FAM171A1: variants seen among roughly 807,000 people sequenced by gnomAD.
FAM171A1 encodes protein FAM171A1.
A neutral mutation model predicts 74.9 loss-of-function variants in FAM171A1; 23 were observed. That is an observed-to-expected ratio of 0.31 (90% confidence interval 0.22 to 0.44). The LOEUF (loss-of-function observed/expected upper bound fraction) is 0.44, where lower values mean the gene tolerates loss of function less well. Ranked by LOEUF, FAM171A1 falls within the 20% of genes least tolerant of loss-of-function variation. FAM171A1 has a pLI of 1.00. For synonymous variants in FAM171A1, 527 were observed against 505.7 expected (o/e 1.04, Z -0.57); for missense variants, 1,162 against 1,159.2 (o/e 1.00, Z -0.03).
At chr10:15,362,711 G>A (rs772518749) in intron 1 of FAM171A1, among the ~76,000 whole-genome samples, 17 of 152,166 alleles carry the variant, frequency 1.1e-4, no homozygotes, top group Admixed American at 8.5e-4. Flanking sequence ...GCGACAGAGC[G>A]AGACTCTGTC....
chr10:15,281,323 C>T (rs1251057428), intron 2 of FAM171A1, among the ~76,000 whole-genome samples: 1 of 152,156 alleles, frequency 6.6e-6, no homozygotes, highest in East Asian at 1.9e-4. Flanking sequence ...TGGACTAATA[C>T]AGAGTATCTT....
At chr10:15,342,625 T>C (rs1835777625) in intron 1 of FAM171A1, among the ~76,000 whole-genome samples, 1 of 152,156 alleles carries the variant, frequency 6.6e-6, no homozygotes, top group South Asian at 2.1e-4. Flanking sequence ...CAGGCTTCTG[T>C]CAGCCGGTGC....
At chr10:15,310,861 T>C (rs1395774753) in intron 1 of FAM171A1, among the ~76,000 whole-genome samples, 2 of 151,156 alleles carry the variant, frequency 1.3e-5, no homozygotes, top group Non-Finnish European at 2.9e-5. Context: ...GGTTTAAGCC[T>C]GAAGCCTCCA....
intron 1 of FAM171A1, among the ~76,000 whole-genome samples, chr10:15,349,961 G>A (rs1835859039): frequency 6.6e-6 from 1 of 152,078 alleles, no homozygotes; most frequent in Non-Finnish European, 1.5e-5. Flanking sequence ...GCGCTTTGAT[G>A]TTGGAATATC....
At chr10:15,347,723 C>T (rs1227071198) in intron 1 of FAM171A1, among the ~76,000 whole-genome samples, 1 of 150,430 alleles carries the variant, frequency 6.6e-6, no homozygotes, top group Non-Finnish European at 1.5e-5. Context: ...GTAGTCTCAG[C>T]TACTTGGAGG....
In FAM171A1 at chr10:15,237,333, T is replaced by C. The variant is rs78198575; in HGVS notation, c.754+11306A>G. 4.8e-3 allele frequency among the ~76,000 whole-genome samples: 725 copies of C among 152,254 alleles called. 5 individuals are homozygous for C. The highest frequency in any genetic ancestry group is 0.016 in the African/African-American group (664 of 41,554). On this transcript the variant is annotated intron_variant, in intron 5 of 7. Coordinates refer to ENST00000378116, the MANE Select transcript of FAM171A1 (RefSeq NM_001010924.2). ...CAAAAGTGCCCCCTGAACCCGATCATACTAGAACAAATGTGATGCTATTAT... is the reference window on the plus strand; with the variant it reads ...CAAAAGTGCCCCCTGAACCCGATCACACTAGAACAAATGTGATGCTATTAT...
chr10:15,245,403 A>G (rs1834419783), intron 5 of FAM171A1, among the ~76,000 whole-genome samples: 1 of 152,186 alleles, frequency 6.6e-6, no homozygotes, highest in Non-Finnish European at 1.5e-5. Context: ...ATCACTCTCC[A>G]CAGTGAGGGA....
chr10:15,215,355 G>A (rs1014852200), intron 7 of FAM171A1, among the ~76,000 whole-genome samples: 1 of 151,952 alleles, frequency 6.6e-6, no homozygotes, highest in Non-Finnish European at 1.5e-5. Context: ...AACAGACACG[G>A]CATCTAAATA....
intron 3 of FAM171A1, among the ~76,000 whole-genome samples, chr10:15,272,602 T>C (rs2131795856): frequency 6.6e-6 from 1 of 152,262 alleles, no homozygotes; most frequent in African/African-American, 2.4e-5. Flanking sequence ...CTTCTCAGCA[T>C]CACATCACAC....
chr10:15,323,298 C>CA (rs1338906772), intron 1 of FAM171A1, among the ~76,000 whole-genome samples: 1 of 151,904 alleles, frequency 6.6e-6, no homozygotes, highest in Admixed American at 6.6e-5. Flanking sequence ...ACTAAAAATA[C>CA]AAAAATTAGC....
intron 2 of FAM171A1, among the ~76,000 whole-genome samples, chr10:15,276,268 C>T (rs1251351984): frequency 1.3e-5 from 2 of 152,120 alleles, no homozygotes; most frequent in African/African-American, 2.4e-5. Flanking sequence ...CTAACCTCCG[C>T]CTCCCAGGTT....
chr10:15,328,974 G>A (rs1172544823), intron 1 of FAM171A1, among the ~76,000 whole-genome samples: 1 of 152,156 alleles, frequency 6.6e-6, no homozygotes, highest in African/African-American at 2.4e-5. Context: ...AAGAACCTGT[G>A]GCTCAGCGGT....
Position 15,213,104 on chromosome 10 carries a change from C to A in FAM171A1, c.2484G>T (p.Leu828=). 12 of 1,613,562 alleles carry A rather than the reference C, an allele frequency of 7.4e-6. No individual in the cohort carries two copies. Among genetic ancestry groups the A allele is most frequent in the Non-Finnish European group, 1.0e-5 (12 of 1,179,720 alleles). Residue 828 remains leucine (L), a synonymous_variant, in exon 8 of 8, where the codon CTG becomes CTT. Coordinates refer to ENST00000378116, the MANE Select transcript of FAM171A1 (RefSeq NM_001010924.2). This position sits in a 1 kb window ranked among gnomAD's most constrained non-coding sequence, Gnocchi z 6.8. ...TGGTCGTCTCCTCCTGCAGGCTGGGCAGCTGGCCACCACTTCTCCGACTCG... is the reference window on the plus strand; with the variant it reads ...TGGTCGTCTCCTCCTGCAGGCTGGGAAGCTGGCCACCACTTCTCCGACTCG... ...EGSSRRSGGQ[L]PSLQEETTRR...
chr10:15,351,555 G>A (rs770866085), intron 1 of FAM171A1, among the ~76,000 whole-genome samples: 7 of 137,182 alleles, frequency 5.1e-5, no homozygotes, highest in Non-Finnish European at 9.6e-5. Flanking sequence ...TGAAAGGTAA[G>A]GAAAGTAGGG....
At chr10:15,284,163 C>G in intron 1 of FAM171A1, 58 bp from the exon 2 acceptor site, 7 of 1,472,796 alleles carry the variant, frequency 4.8e-6, no homozygotes, top group Non-Finnish European at 6.6e-6. Flanking sequence ...TTCATAGCAA[C>G]TCTGGTATGA....
chr10:15,296,225 G>A (rs1258693414), intron 1 of FAM171A1, among the ~76,000 whole-genome samples: 1 of 152,056 alleles, frequency 6.6e-6, no homozygotes, highest in Non-Finnish European at 1.5e-5. Flanking sequence ...TAGTGCACAT[G>A]CACCTTGTAT....
chr10:15,329,627 TA>T (rs11302159), intron 1 of FAM171A1, among the ~76,000 whole-genome samples: 65,543 of 140,478 alleles, frequency 0.47, 15,356 homozygotes, highest in Non-Finnish European at 0.51. Flanking sequence ...CCATCTCACT[TA>T]AAAAAAAAAA....
intron 2 of FAM171A1, among the ~76,000 whole-genome samples, chr10:15,278,455 T>C (rs1327113030): frequency 6.6e-6 from 1 of 152,098 alleles, no homozygotes; most frequent in African/African-American, 2.4e-5. Flanking sequence ...ACATCGATGT[T>C]TGCAGCAGCA....
chr10:15,230,800 T>A (rs1006751851), intron 5 of FAM171A1, among the ~76,000 whole-genome samples: 1 of 152,198 alleles, frequency 6.6e-6, no homozygotes, highest in Non-Finnish European at 1.5e-5. Flanking sequence ...ATAATAGCAT[T>A]AATAAAATTT....
Sources: allele counts gnomAD v4.1 joint callset (sites outside exome capture counted in the v4.1 genomes callset), GRCh38; gene constraint gnomAD v4.1.1; non-coding constraint Gnocchi (gnomAD v3.1); transcripts MANE v1.5; gene names NCBI Gene and HGNC (gene_info 2026-07-23, HGNC 2026-07-21).